The following RBM22 variants were observed in gnomAD, a reference collection of about 807,000 sequenced individuals.
The protein encoded by RBM22 is RNA binding motif protein 22, also known as pre-mRNA-splicing factor RBM22.
In RBM22, 1 loss-of-function variant was observed where a neutral mutation model predicts 50.1. That is an observed-to-expected ratio of 0.02 (90% CI 0.01 to 0.09). RBM22 has a LOEUF of 0.09. Among genes scored for constraint, RBM22 ranks in the 10% least tolerant of loss-of-function variants. RBM22 has a pLI of 1.00. For missense variants in RBM22, 264 were observed against 529.3 expected, an observed-to-expected ratio of 0.50 and a Z score of 4.92; for synonymous variants, 152 against 179.0, an observed-to-expected ratio of 0.85 and a Z score of 1.20.
chr5:150,700,531 C>A (rs1405286108), intron 1 of RBM22, 34 bp from the exon 2 acceptor site: 1 of 1,613,802 alleles, frequency 6.2e-7, no homozygotes, highest in South Asian at 1.1e-5. Flanking sequence ...TGAGGACCAC[C>A]CTCCGAAGAC....
intron 3 of RBM22, 93 bp downstream of exon 3, chr5:150,699,149 T>A (rs1759313024): frequency 6.7e-7 from 1 of 1,488,888 alleles, no homozygotes; most frequent in African/African-American, 1.4e-5. Context: ...TGATTTTTAC[T>A]GGAAGACCTC....
rs6579802 is a variant in RBM22, at chr5:150,700,570, C to T, written c.55-73G>A. On this transcript the variant is annotated intron_variant, in intron 1 of 10. Coordinates refer to ENST00000199814, the MANE Select transcript of RBM22 (RefSeq NM_018047.3). ...GACACCTCAGTGACACTTGGGGTGGCGAGGGGGCGGGAAGCGAGGGTGGGG... is the reference window on the plus strand; with the variant it reads ...GACACCTCAGTGACACTTGGGGTGGTGAGGGGGCGGGAAGCGAGGGTGGGG... The T allele has an allele frequency of 0.011, 17,845 of 1,606,770 alleles. 1,444 individuals carry two copies. The African/African-American group carries it at 0.19, about 17-fold the overall frequency.
In RBM22 at chr5:150,696,904, AAG is replaced by A. The variant is rs746734791; in HGVS notation, c.272-15_272-14del. On this transcript the variant is annotated splice_polypyrimidine_tract_variant and intron_variant, in intron 4 of 10. Transcript: ENST00000199814. This position sits in a 1 kb window ranked among gnomAD's most constrained non-coding sequence, Gnocchi z 4.3. The stretch of plus-strand genomic sequence containing the variant: ...TGGATGGGCAGGCCTGGTACAAAAA[AAG>A]AGGAAAAAGACCTCAGATGTATTTT... 4.3e-6 allele frequency: 7 copies of A among 1,611,178 alleles called. No homozygotes were observed. Among genetic ancestry groups the A allele is most frequent in the Non-Finnish European group, 5.9e-6 (7 of 1,177,340 alleles).
chr5:150,700,822 C>G (rs757192310), intron 1 of RBM22, 110 bp downstream of exon 1: 12 of 1,606,180 alleles, frequency 7.5e-6, no homozygotes, highest in Non-Finnish European at 6.8e-6. Context: ...GGCCGCCGCG[C>G]TGGCTCCTCC....
intron 2 of RBM22, among the ~76,000 whole-genome samples, chr5:150,699,523 G>A (rs986603875): frequency 6.6e-6 from 1 of 152,194 alleles, no homozygotes; most frequent in Non-Finnish European, 1.5e-5. Context: ...AGTGGCTCAC[G>A]CCTGTAATCC....
At chr5:150,694,507 C>A in intron 7 of RBM22, 1 of 398,860 alleles carries the variant, frequency 2.5e-6, no homozygotes, top group Non-Finnish European at 4.3e-6. Context: ...CTAATAGGTT[C>A]TTTAAAGACC....
At chr5:150,700,587 A>T in intron 1 of RBM22, 90 bp from the exon 2 acceptor site, 1 of 1,591,780 alleles carries the variant, frequency 6.3e-7, no homozygotes. Flanking sequence ...GCGGGAAGCG[A>T]GGGTGGGGAA....
chr5:150,694,426 G>C (rs972451809), intron 7 of RBM22, 186 bp from the exon 8 acceptor site: 7 of 920,218 alleles, frequency 7.6e-6, no homozygotes, highest in Non-Finnish European at 1.1e-5. Flanking sequence ...TTGAGAGAAG[G>C]AAAGAAAAAT....
At chr5:150,697,027 A>C in intron 4 of RBM22, 136 bp from the exon 5 acceptor site, 1 of 830,754 alleles carries the variant, frequency 1.2e-6, no homozygotes, top group Non-Finnish European at 1.9e-6. Context: ...GTTTTTATTC[A>C]AACTCTTTAG....
At chr5:150,697,944 C>T (rs1005361915) in intron 4 of RBM22, among the ~76,000 whole-genome samples, 9 of 151,986 alleles carry the variant, frequency 5.9e-5, no homozygotes, top group African/African-American at 2.2e-4. Flanking sequence ...TGCTTGAGGC[C>T]AGAAGCTCAA....
Position 150,696,989 on chromosome 5 carries a change from T to C in RBM22, c.272-98A>G, listed in dbSNP as rs528501769. 2.6e-6 allele frequency: 3 copies of C among 1,142,896 alleles called. No homozygotes were observed. The South Asian group carries it at 4.1e-5, about 16-fold the overall frequency. 70.8% of individuals were successfully genotyped at this position (1,142,896 alleles called of 1,614,324 possible). Reference sequence around the variant, plus strand: ...TACATCATCTTTCCCTTCTCCTCTTTCCTATTTAGTACCAGAGACTTTACT... The same window carrying C: ...TACATCATCTTTCCCTTCTCCTCTTCCCTATTTAGTACCAGAGACTTTACT... On this transcript the variant is annotated intron_variant, in intron 4 of 10. Coordinates refer to ENST00000199814, the MANE Select transcript of RBM22 (RefSeq NM_018047.3). This position sits in a 1 kb window ranked among gnomAD's most constrained non-coding sequence, Gnocchi z 4.3.
chr5:150,692,158 G>T (rs1304045785), intron 10 of RBM22, among the ~76,000 whole-genome samples: 4 of 152,160 alleles, frequency 2.6e-5, no homozygotes, highest in African/African-American at 9.7e-5. Flanking sequence ...CTACCAGACA[G>T]GATTCAGTCA....
At chr5:150,698,422 G>A (rs144241092) in intron 4 of RBM22, 77 bp downstream of exon 4, 5 of 1,529,102 alleles carry the variant, frequency 3.3e-6, no homozygotes, top group East Asian at 4.5e-5. Context: ...GCTAGGGTGC[G>A]AAGTGGGAGA....
rs751302951 is a variant in RBM22, at chr5:150,695,559, G to A, written c.693C>T (p.Ile231=). 7 of 1,613,922 alleles carry A rather than the reference G, an allele frequency of 4.3e-6. No homozygotes were observed. The highest frequency in any genetic ancestry group is 5.9e-6 in the Non-Finnish European group (7 of 1,180,012). The change falls in exon 7 of 11, where the codon ATC becomes ATT. Residue 231 remains isoleucine (I), a synonymous_variant. Coordinates refer to ENST00000199814, the MANE Select transcript of RBM22 (RefSeq NM_018047.3). ...PRLDPPEDKT[I]TTLYVGGLGD... ...CTAGACCACCAACATATAGTGTGGT[G>A]ATAGTTTTATCCTCTGGTGGGTCCA...
chr5:150,700,118 C>T (rs1363940896), intron 2 of RBM22, among the ~76,000 whole-genome samples: 1 of 152,210 alleles, frequency 6.6e-6, no homozygotes, highest in Non-Finnish European at 1.5e-5. Context: ...GCTGACATTC[C>T]TAGAGCCAGA....
intron 4 of RBM22, 39 bp downstream of exon 4, chr5:150,698,460 C>T: frequency 1.2e-6 from 2 of 1,604,988 alleles, no homozygotes; most frequent in Non-Finnish European, 1.7e-6. Flanking sequence ...GTTTTAGGCA[C>T]CTGCACACTT....
Position 150,691,259 on chromosome 5 carries a change from T to A in RBM22, c.*492A>T, listed in dbSNP as rs1337067202. On this transcript the variant is annotated 3_prime_UTR_variant, in exon 11 of 11. Transcript: ENST00000199814. Reference sequence around the variant, plus strand: ...GCTGGTGCTGGTTTCTACTCATCTTTCGGAGGGTGTGACTTCAAGAGTTAA... The same window carrying A: ...GCTGGTGCTGGTTTCTACTCATCTTACGGAGGGTGTGACTTCAAGAGTTAA... 6.6e-6 allele frequency: 1 copy of A among 152,390 alleles called. No individual in the cohort carries two copies. Among genetic ancestry groups the A allele is most frequent in the Non-Finnish European group, 1.5e-5 (1 of 68,076 alleles). 9.4% of individuals were successfully genotyped at this position (152,390 alleles called of 1,614,324 possible).
At position 150,699,280 on chromosome 5, in the gene RBM22, GA is replaced by G. The variant is rs763153854; in HGVS notation, c.109-10del. 2.4e-5 allele frequency: 37 copies of G among 1,560,914 alleles called. No individual in the cohort carries two copies. The highest frequency in any genetic ancestry group is 2.2e-4 in the Admixed American group (11 of 49,622). ...CCATACTTTTCTTTGGTCTATAATA[GA>G]AAAAAAATAGAAAAGAACTGGAGTT... On this transcript the variant is annotated splice_polypyrimidine_tract_variant and intron_variant, in intron 2 of 10. Transcript: ENST00000199814.
At chr5:150,700,871 C>CA (rs1759339955) in intron 1 of RBM22, 61 bp downstream of exon 1, 1 of 1,614,010 alleles carries the variant, frequency 6.2e-7, no homozygotes, top group East Asian at 2.2e-5. Context: ...CCTGTCCTGC[C>CA]AGCTTGCAAG....
Sources: allele counts gnomAD v4.1 joint callset (sites outside exome capture counted in the v4.1 genomes callset), GRCh38; gene constraint gnomAD v4.1.1; non-coding constraint Gnocchi (gnomAD v3.1); transcripts MANE v1.5; gene names NCBI Gene and HGNC (gene_info 2026-07-23, HGNC 2026-07-21).